The following PRPF38B variants were observed in gnomAD, a reference collection of about 807,000 sequenced individuals.
PRPF38B encodes pre-mRNA-splicing factor 38B.
A neutral mutation model predicts 67.2 loss-of-function variants in PRPF38B; 18 were observed. The ratio of observed to expected loss-of-function variants is 0.27; its 90% CI spans 0.19 to 0.40. PRPF38B has a LOEUF of 0.40. PRPF38B is among the 10% of genes least tolerant of loss of function. The pLI is 1.00. For missense variants in PRPF38B, 544 were observed against 684.9 expected (o/e 0.79, Z 2.30); for synonymous variants, 246 against 234.2 (o/e 1.05, Z -0.46).
rs767941846 is a variant in PRPF38B, at chr1:108,696,212, T to C, written c.497+18T>C. 6 of 1,612,116 alleles carry C rather than the reference T, an allele frequency of 3.7e-6. No individual in the cohort carries two copies. Among genetic ancestry groups the C allele is most frequent in the Non-Finnish European group, 5.1e-6 (6 of 1,178,718 alleles). ...TATATAAGGTGAGCGTACATTTATG[T>C]ACATTTCCAGTAAATATCTCATTTT... On this transcript the variant is annotated intron_variant, in intron 3 of 5. Transcript: ENST00000370025.
rs747854298 is a variant in PRPF38B, at chr1:108,699,304, A to G, written c.925A>G (p.Lys309Glu). The G allele has an allele frequency of 1.2e-6, 2 of 1,614,158 alleles. No individual in the cohort carries two copies. Among genetic ancestry groups the G allele is most frequent in the East Asian group, 4.5e-5 (2 of 44,876 alleles). ...ACGCCAGCGACTAGAGCGTGAAGCC[A>G]AAGAAAGGGAGAAAGAACGGCGAAG... ...KERQRLEREA[K>E]EREKERRRSR... The change falls in exon 6 of 6, where the codon AAA becomes GAA. Residue 309 changes from lysine (K) to glutamate (E), a missense_variant. By Grantham distance (56) the Lys-to-Glu change is moderately conservative. This residue lies in a region of PRPF38B where 387 missense variants were observed against 386.1 expected (regional missense o/e 1.00). Coordinates refer to ENST00000370025, the MANE Select transcript of PRPF38B (RefSeq NM_018061.4).
Position 108,702,458 on chromosome 1 carries a change from G to A in PRPF38B, c.*2438G>A, listed in dbSNP as rs1347249871. 6.6e-6 allele frequency among the ~76,000 whole-genome samples: 1 copy of A among 152,096 alleles called. No homozygotes were observed. Among genetic ancestry groups the A allele is most frequent in the East Asian group, 1.9e-4 (1 of 5,194 alleles). ...ATTTTTAAATATGTTTGCTTTTGAG[G>A]AAAATTATGGTAGGTGTGAGAACAT... On this transcript the variant is annotated 3_prime_UTR_variant, in exon 6 of 6. Coordinates refer to ENST00000370025, the MANE Select transcript of PRPF38B (RefSeq NM_018061.4).
rs531844717 is a variant in PRPF38B, at chr1:108,692,362, C to T, written c.-230C>T. ...AGAGATCGAGCTCCCTGGCTGCCGG[C>T]TCGCCTTCTGCGTGGAGTTCTCGCG... On this transcript the variant is annotated 5_prime_UTR_variant, in exon 1 of 6. Transcript: ENST00000370025. 3.5e-6 allele frequency: 2 copies of T among 564,024 alleles called. No homozygotes were observed. The highest frequency in any genetic ancestry group is 6.2e-6 in the Non-Finnish European group (2 of 320,482). 34.9% of individuals were successfully genotyped at this position (564,024 alleles called of 1,614,324 possible).
At position 108,696,362 on chromosome 1, in the gene PRPF38B, G is replaced by T. The variant is rs752324250; in HGVS notation, c.558+25G>T. The T allele has an allele frequency of 5.1e-6, 8 of 1,574,622 alleles. No individual in the cohort carries two copies. In the East Asian group the frequency reaches 1.3e-4, roughly 27 times the overall value. Reference sequence around the variant, plus strand: ...GGTATGTCAACAAGGGTAATAATTTGTTTTCTTCTGATTACTCTCATATTT... The same window carrying T: ...GGTATGTCAACAAGGGTAATAATTTTTTTTCTTCTGATTACTCTCATATTT... On this transcript the variant is annotated intron_variant, in intron 4 of 5. Coordinates refer to ENST00000370025, the MANE Select transcript of PRPF38B (RefSeq NM_018061.4).
Position 108,695,790 on chromosome 1 carries a change from T to C in PRPF38B, c.345+20T>C, listed in dbSNP as rs183393363. ...GGAGGGGTAAGTAGAAGTACGTGCA[T>C]TTTTCAGTTTTTCTGTGTCTAATAA... is the stretch of plus-strand genomic sequence containing the variant. On this transcript the variant is annotated intron_variant, in intron 2 of 5. Coordinates refer to ENST00000370025, the MANE Select transcript of PRPF38B (RefSeq NM_018061.4). 1.0e-4 allele frequency: 161 copies of C among 1,609,620 alleles called. No individual in the cohort carries two copies. In the East Asian group the frequency reaches 3.3e-3, roughly 33 times the overall value.
At position 108,692,884 on chromosome 1, in the gene PRPF38B, C is replaced by A; in HGVS notation, c.276+17C>A. 6.2e-7 allele frequency: 1 copy of A among 1,600,776 alleles called. No individual in the cohort carries two copies. ...TACTTTAAGGTACGAAGTGTGTAGGCCTTGGCTTTGGGGGTAAGTTCGGAA... is the reference window on the plus strand; with the variant it reads ...TACTTTAAGGTACGAAGTGTGTAGGACTTGGCTTTGGGGGTAAGTTCGGAA... On this transcript the variant is annotated intron_variant, in intron 1 of 5. Coordinates refer to ENST00000370025, the MANE Select transcript of PRPF38B (RefSeq NM_018061.4).
rs545766580 is a variant in PRPF38B at position 108,692,359 on chromosome 1, C to G, written c.-233C>G. 2 of 561,254 alleles carry G rather than the reference C, an allele frequency of 3.6e-6. No individual in the cohort carries two copies. The highest frequency in any genetic ancestry group is 3.3e-5 in the Admixed American group (1 of 30,112). The allele number at this position is 561,254 out of a possible 1,614,324, so 34.8% of individuals were successfully genotyped here. Reference sequence around the variant, plus strand: ...GGAAGAGATCGAGCTCCCTGGCTGCCGGCTCGCCTTCTGCGTGGAGTTCTC... The same window carrying G: ...GGAAGAGATCGAGCTCCCTGGCTGCGGGCTCGCCTTCTGCGTGGAGTTCTC... On this transcript the variant is annotated 5_prime_UTR_variant, in exon 1 of 6. Transcript: ENST00000370025.
chr1:108,698,671 C>T lies in PRPF38B; in HGVS notation c.626C>T (p.Thr209Ile). 1 of 1,613,992 alleles carries T rather than the reference C, an allele frequency of 6.2e-7. No homozygotes were observed. Residue 209 changes from threonine (T) to isoleucine (I), a missense_variant, in exon 5 of 6, where the codon ACA (threonine) becomes ATA (isoleucine). Physicochemically the swap from Thr to Ile is moderately conservative, Grantham distance 89. Transcript: ENST00000370025. ...TIGEMLRSFL[T>I]KLEWFSTLFP... ...GGAGAAATGCTACGATCTTTTCTCA[C>T]AAAACTGGAGTGGTTTTCTACCTTG...
Position 108,692,361 on chromosome 1 carries a change from G to A in PRPF38B, c.-231G>A. 3.6e-6 allele frequency: 2 copies of A among 560,692 alleles called. No homozygotes were observed. Among genetic ancestry groups the A allele is most frequent in the Non-Finnish European group, 6.3e-6 (2 of 318,318 alleles). The allele number at this position is 560,692 out of a possible 1,614,324, so 34.7% of individuals were successfully genotyped here. ...AAGAGATCGAGCTCCCTGGCTGCCGGCTCGCCTTCTGCGTGGAGTTCTCGC... is the reference window on the plus strand; with the variant it reads ...AAGAGATCGAGCTCCCTGGCTGCCGACTCGCCTTCTGCGTGGAGTTCTCGC... On this transcript the variant is annotated 5_prime_UTR_variant, in exon 1 of 6. Coordinates refer to ENST00000370025, the MANE Select transcript of PRPF38B (RefSeq NM_018061.4).
At position 108,700,322 on chromosome 1, in the gene PRPF38B, C is replaced by T. The variant is rs999164164; in HGVS notation, c.*302C>T. ...GTTTTAATTCCTTTGGCATGGTTGC[C>T]ATGTTGGTTAAATTTGTATAAGGCA... On this transcript the variant is annotated 3_prime_UTR_variant, in exon 6 of 6. Coordinates refer to ENST00000370025, the MANE Select transcript of PRPF38B (RefSeq NM_018061.4). 11 of 261,924 alleles carry T rather than the reference C, an allele frequency of 4.2e-5. No individual in the cohort carries two copies. The highest frequency in any genetic ancestry group is 6.9e-5 in the Non-Finnish European group (10 of 145,774). The allele number at this position is 261,924 out of a possible 1,614,324, so 16.2% of individuals were successfully genotyped here. A position where few individuals can be genotyped will look rare whatever the true frequency, so the allele number is the denominator to read the frequency against.
At chr1:108,697,425 G>A (rs1394744140) in intron 4 of PRPF38B, 3 of 150,962 alleles carry the variant, frequency 2.0e-5, no homozygotes, top group African/African-American at 7.3e-5. Flanking sequence ...TTCATCCAAA[G>A]AATTTATTGA....
Position 108,699,505 on chromosome 1 carries a change from A to G in PRPF38B, c.1126A>G (p.Asn376Asp). 6.3e-7 allele frequency: 1 copy of G among 1,574,970 alleles called. No homozygotes were observed. Among genetic ancestry groups the G allele is most frequent in the Non-Finnish European group, 8.6e-7 (1 of 1,160,030 alleles). The change falls in exon 6 of 6, where the codon AAT becomes GAT. Residue 376 changes from asparagine (N) to aspartate (D), a missense_variant. Asn to Asp is a conservative substitution (Grantham distance 23). Transcript: ENST00000370025. ...RDRDYDKERG[N>D]EREKERERSR... is the part of the protein sequence containing the mutation. ...TCGTGACTATGATAAGGAAAGAGGA[A>G]ATGAACGAGAAAAAGAGAGAGAGCG...
At chr1:108,694,657 C>T (rs1384956627) in intron 1 of PRPF38B, among the ~76,000 whole-genome samples, 1 of 152,060 alleles carries the variant, frequency 6.6e-6, no homozygotes, top group Non-Finnish European at 1.5e-5. Flanking sequence ...CTTACATGCA[C>T]GCTTTTCTAT....
At chr1:108,693,901 C>T (rs1010605326) in intron 1 of PRPF38B, among the ~76,000 whole-genome samples, 1 of 152,150 alleles carries the variant, frequency 6.6e-6, no homozygotes, top group Non-Finnish European at 1.5e-5. Flanking sequence ...ATACACAATC[C>T]ATTTTTGTCT....
chr1:108,699,247 A>G lies in PRPF38B; in HGVS notation c.868A>G (p.Ser290Gly). 6.2e-7 allele frequency: 1 copy of G among 1,613,720 alleles called. No individual in the cohort carries two copies. The highest frequency in any genetic ancestry group is 8.5e-7 in the Non-Finnish European group (1 of 1,179,880). Residue 290 changes from serine to glycine, a missense_variant, in exon 6 of 6, where the codon AGT becomes GGT. Coordinates refer to ENST00000370025, the MANE Select transcript of PRPF38B (RefSeq NM_018061.4). Reference sequence around the variant, plus strand: ...TCATCGGGAGGGCCATGGGTCTTCTAGTTTTGACAGAGAATTAGAAAGAGA... The same window carrying G: ...TCATCGGGAGGGCCATGGGTCTTCTGGTTTTGACAGAGAATTAGAAAGAGA... ...SHHREGHGSS[S>G]FDRELEREKE...
At chr1:108,699,115 A>G (rs912286518) in intron 5 of PRPF38B, 47 bp from the exon 6 acceptor site, 2 of 1,541,596 alleles carry the variant, frequency 1.3e-6, no homozygotes, top group South Asian at 1.3e-5. Context: ...AAAGAATTGC[A>G]TATGTTTTAT....
chr1:108,696,244 CAT>C (rs773110909), intron 3 of PRPF38B, 31 bp from the exon 4 acceptor site: 6 of 1,610,320 alleles, frequency 3.7e-6, no homozygotes, highest in Non-Finnish European at 8.5e-7. Context: ...TTTTAATTCA[CAT>C]GTGTTTAATA....
intron 1 of PRPF38B, among the ~76,000 whole-genome samples, chr1:108,695,327 G>A (rs1464332258): frequency 6.7e-6 from 1 of 150,102 alleles, no homozygotes. Flanking sequence ...AAAATGTTAA[G>A]CAACCCATAA....
Position 108,699,921 on chromosome 1 carries a change from TAGTA to T in PRPF38B, c.1545_1548del (p.Ser515ArgfsTer15). ...GTTCCCACAAACGAGATCACAGTGA[TAGTA>T]AGGACCAGTCAGACAAACATGATCG... On this transcript the variant is annotated frameshift_variant, in exon 6 of 6. Coordinates refer to ENST00000370025, the MANE Select transcript of PRPF38B (RefSeq NM_018061.4). LOFTEE classifies it high-confidence loss of function. The T allele has an allele frequency of 6.2e-7, 1 of 1,613,970 alleles. No homozygotes were observed.
Sources: allele counts gnomAD v4.1 joint callset (sites outside exome capture counted in the v4.1 genomes callset), GRCh38; gene constraint gnomAD v4.1.1; regional missense constraint gnomAD v4.1.1; transcripts MANE v1.5; gene names NCBI Gene and HGNC (gene_info 2026-07-23, HGNC 2026-07-21).